Variants in SEMA3D observed in about 807,000 individuals in gnomAD.
SEMA3D encodes the protein semaphorin-3D.
SEMA3D carries 84 observed loss-of-function variants against 100.1 expected under a neutral mutation model. The ratio of observed to expected loss-of-function variants is 0.84; its 90% CI spans 0.70 to 1.01. SEMA3D has a LOEUF of 1.01. SEMA3D is among the 50% of genes least tolerant of loss of function. SEMA3D has a pLI of 0.00. For missense variants in SEMA3D, 875 were observed against 934.1 expected, an observed-to-expected ratio of 0.94 and a Z score of 0.82; for synonymous variants, 312 against 320.7, an observed-to-expected ratio of 0.97 and a Z score of 0.29.
At chr7:85,240,380 G>A in the SEMA3D span, among the ~76,000 whole-genome samples, 17,216 of 151,950 alleles carry the variant, frequency 0.11, 2,645 homozygotes, top group African/African-American at 0.35. Flanking sequence ...TTTTTTGTAT[G>A]TATTATTGGA....
At chr7:85,103,974 T>G (rs1788826455) in intron 3 of SEMA3D, among the ~76,000 whole-genome samples, 1 of 152,036 alleles carries the variant, frequency 6.6e-6, no homozygotes, top group African/African-American at 2.4e-5. Flanking sequence ...TGTATGTATG[T>G]GTGCATTTTT....
chr7:85,189,520 T>C (rs1344899192), upstream of SEMA3D, among the ~76,000 whole-genome samples: 1 of 152,212 alleles, frequency 6.6e-6, no homozygotes, highest in African/African-American at 2.4e-5. Flanking sequence ...CAAGGTGTAT[T>C]GTGCAGTTTA....
At chr7:85,241,365 C>G in the SEMA3D span, among the ~76,000 whole-genome samples, 1 of 151,076 alleles carries the variant, frequency 6.6e-6, no homozygotes, top group African/African-American at 2.4e-5. Flanking sequence ...AAAAAAGATA[C>G]TTGCACAAGC....
intron 7 of SEMA3D, among the ~76,000 whole-genome samples, chr7:85,066,913 C>CATACACACACACAGAGAGAG: frequency 1.0e-4 from 13 of 127,758 alleles, no homozygotes; most frequent in African/African-American, 2.8e-4. Context: ...CACACACACA[C>CATACACACACACAGAGAGAG]AGAGAGAGAG....
At chr7:85,169,028 T>C (rs1791011576) in intron 1 of SEMA3D, among the ~76,000 whole-genome samples, 1 of 151,562 alleles carries the variant, frequency 6.6e-6, no homozygotes, top group African/African-American at 2.4e-5. Context: ...ATACTATGAG[T>C]TCATGAGATA....
the SEMA3D span, among the ~76,000 whole-genome samples, chr7:85,233,103 C>G: frequency 1.4e-4 from 21 of 151,878 alleles, no homozygotes; most frequent in African/African-American, 4.1e-4. Context: ...ATTTTCTGAC[C>G]AAGGAGTAAA....
chr7:85,215,263 A>G, the SEMA3D span, among the ~76,000 whole-genome samples: 1 of 152,210 alleles, frequency 6.6e-6, no homozygotes, highest in African/African-American at 2.4e-5. Flanking sequence ...CTTGAAAAGT[A>G]AATTTCATTA....
intron 4 of SEMA3D, among the ~76,000 whole-genome samples, chr7:85,086,955 C>T (rs542861395): frequency 6.6e-6 from 1 of 152,080 alleles, no homozygotes; most frequent in African/African-American, 2.4e-5. Flanking sequence ...TAAAAGTCAG[C>T]CCTCAGGATC....
chr7:85,171,680 A>C (rs1791086929), intron 1 of SEMA3D, among the ~76,000 whole-genome samples: 1 of 152,058 alleles, frequency 6.6e-6, no homozygotes, highest in Non-Finnish European at 1.5e-5. Context: ...CAAAATAATT[A>C]AAAATTAATA....
chr7:85,103,778 A>G (rs1217160812), intron 3 of SEMA3D, among the ~76,000 whole-genome samples: 2 of 152,068 alleles, frequency 1.3e-5, no homozygotes, highest in Non-Finnish European at 1.5e-5. Context: ...TCCAAAATTA[A>G]TGAAGCAAGG....
In SEMA3D at chr7:84,999,385, C is replaced by T; in HGVS notation, c.*55G>A. Reference sequence around the variant, plus strand: ...GAATTACTATAAGGGATATACAAAACAGAAGGCAATGTTTTTATAGGTAAG... The same window carrying T: ...GAATTACTATAAGGGATATACAAAATAGAAGGCAATGTTTTTATAGGTAAG... On this transcript the variant is annotated 3_prime_UTR_variant, in exon 19 of 19. Coordinates refer to ENST00000284136, the MANE Select transcript of SEMA3D (RefSeq NM_001384900.1). 1 of 1,425,030 alleles carries T rather than the reference C, an allele frequency of 7.0e-7. No individual in the cohort carries two copies. The highest frequency in any genetic ancestry group is 9.8e-7 in the Non-Finnish European group (1 of 1,024,480). The allele number at this position is 1,425,030 out of a possible 1,614,324, so 88.3% of individuals were successfully genotyped here.
intron 9 of SEMA3D, among the ~76,000 whole-genome samples, chr7:85,048,089 G>A (rs974749266): frequency 1.3e-5 from 2 of 151,648 alleles, no homozygotes; most frequent in African/African-American, 4.8e-5. Context: ...CTAACACTGA[G>A]GCAAACACAC....
At chr7:85,040,853 G>A (rs1311970217) in intron 10 of SEMA3D, 111 bp from the exon 11 acceptor site, 12 of 618,628 alleles carry the variant, frequency 1.9e-5, no homozygotes, top group Non-Finnish European at 3.5e-5. Context: ...ACGATTAACA[G>A]AGGCACTATA....
In SEMA3D at chr7:84,999,866, C is replaced by G; in HGVS notation, c.1909-1G>C. 6.2e-7 allele frequency: 1 copy of G among 1,610,650 alleles called. No individual in the cohort carries two copies. The highest frequency in any genetic ancestry group is 1.1e-5 in the South Asian group (1 of 90,986). ...TGATGATTCTTTCATCGGGCTTCAA[C>G]TGCAGAATTGGAAAAATGTAGGTAA... is the stretch of plus-strand genomic sequence containing the variant. On this transcript the variant is annotated splice_acceptor_variant, in intron 18 of 18. Coordinates refer to ENST00000284136, the MANE Select transcript of SEMA3D (RefSeq NM_001384900.1). LOFTEE classifies it high-confidence loss of function.
At chr7:85,039,083 G>A (rs1205765577) in intron 11 of SEMA3D, among the ~76,000 whole-genome samples, 4 of 152,092 alleles carry the variant, frequency 2.6e-5, no homozygotes, top group Non-Finnish European at 5.9e-5. Flanking sequence ...AATATACATT[G>A]ATAAAGTTTG....
At chr7:85,083,771 C>T (rs1329184725) in intron 4 of SEMA3D, among the ~76,000 whole-genome samples, 8 of 148,450 alleles carry the variant, frequency 5.4e-5, no homozygotes, top group South Asian at 2.1e-4. Flanking sequence ...GGCGTGAACC[C>T]GGGAGGCGGA....
intron 9 of SEMA3D, among the ~76,000 whole-genome samples, chr7:85,044,815 T>C (rs1790961811): frequency 6.6e-6 from 1 of 152,090 alleles, no homozygotes; most frequent in Non-Finnish European, 1.5e-5. Context: ...TTACAATTAC[T>C]GGCATGTGGC....
At chr7:85,165,477 C>T (rs1790880831) in intron 1 of SEMA3D, among the ~76,000 whole-genome samples, 1 of 152,052 alleles carries the variant, frequency 6.6e-6, no homozygotes. Flanking sequence ...AGTTAGATTA[C>T]AACCCAATCA....
chr7:85,076,785 C>A (rs537166656), intron 5 of SEMA3D, among the ~76,000 whole-genome samples: 11 of 152,178 alleles, frequency 7.2e-5, no homozygotes, highest in Admixed American at 4.6e-4. Context: ...ATGCAGAGAT[C>A]AGTTTAGGTC....
Sources: gnomAD v4.1 joint callset for allele counts (sites outside exome capture counted in the v4.1 genomes callset) on GRCh38, gnomAD v4.1.1 for gene constraint, MANE v1.5 for transcripts, NCBI Gene and HGNC (gene_info 2026-07-23, HGNC 2026-07-21) for gene names.